AFG2A: variants seen among roughly 807,000 people sequenced by gnomAD.
AFG2A encodes ATPase family gene 2 protein homolog A.
the AFG2A span, among the ~76,000 whole-genome samples, chr4:123,220,862 G>A: frequency 3.3e-5 from 5 of 152,192 alleles, no homozygotes; most frequent in Non-Finnish European, 5.9e-5. Context: ...ATAATATTGT[G>A]TAAGATTGGC....
chr4:123,254,968 C>T, the AFG2A span, among the ~76,000 whole-genome samples: 1 of 151,908 alleles, frequency 6.6e-6, no homozygotes, highest in Non-Finnish European at 1.5e-5. Context: ...TATATGGCTA[C>T]AGATTTTTTT....
the AFG2A span, among the ~76,000 whole-genome samples, chr4:123,180,972 C>T: frequency 1.4e-5 from 2 of 142,056 alleles, no homozygotes; most frequent in African/African-American, 5.0e-5. Context: ...TCTTCCTCCT[C>T]CCCCTCTTTT....
the AFG2A span, among the ~76,000 whole-genome samples, chr4:123,186,526 T>A: frequency 6.6e-6 from 1 of 152,186 alleles, no homozygotes; most frequent in African/African-American, 2.4e-5. Flanking sequence ...AGGTAGGAAA[T>A]GCTCTTCTCA....
At chr4:123,090,655 A>G in the AFG2A span, 1 of 1,614,178 alleles carries the variant, frequency 6.2e-7, no homozygotes, top group Admixed American at 1.7e-5. Flanking sequence ...TGAACAGCTA[A>G]AGGATGTGAC....
chr4:123,005,047 G>A, the AFG2A span, among the ~76,000 whole-genome samples: 1 of 151,930 alleles, frequency 6.6e-6, no homozygotes, highest in Non-Finnish European at 1.5e-5. Context: ...TTGGATCAGT[G>A]GTATGTCCGG....
At chr4:123,007,257 T>A in the AFG2A span, among the ~76,000 whole-genome samples, 1 of 152,098 alleles carries the variant, frequency 6.6e-6, no homozygotes, top group African/African-American at 2.4e-5. Context: ...CCCTTTTTAG[T>A]ACTCTACCTA....
chr4:122,967,042 A>G, the AFG2A span, among the ~76,000 whole-genome samples: 15 of 152,296 alleles, frequency 9.8e-5, no homozygotes, highest in Middle Eastern at 3.4e-3. Context: ...TTTAACATGA[A>G]TTGTAACTGA....
the AFG2A span, among the ~76,000 whole-genome samples, chr4:123,121,857 C>T: frequency 6.6e-6 from 1 of 152,162 alleles, no homozygotes; most frequent in Non-Finnish European, 1.5e-5. Context: ...TTTGTTTCCT[C>T]TTGAAGTATA....
chr4:122,930,616 T>TAC, the AFG2A span, among the ~76,000 whole-genome samples: 7 of 152,096 alleles, frequency 4.6e-5, no homozygotes, highest in African/African-American at 9.7e-5. Flanking sequence ...CATGTATGTA[T>TAC]ACACACACAC....
At chr4:123,031,958 A>C in the AFG2A span, among the ~76,000 whole-genome samples, 136,292 of 152,212 alleles carry the variant, frequency 0.9, 61,447 homozygotes, top group East Asian at 0.97. Flanking sequence ...GTTATCTGGG[A>C]CAGTTACGTA....
chr4:123,186,700 AAAT>A, the AFG2A span, among the ~76,000 whole-genome samples: 1 of 152,188 alleles, frequency 6.6e-6, no homozygotes, highest in Non-Finnish European at 1.5e-5. Flanking sequence ...TAAAAGGAAA[AAAT>A]AAAAACTGTA....
the AFG2A span, chr4:122,936,171 T>G: frequency 6.3e-7 from 1 of 1,588,718 alleles, no homozygotes; most frequent in Non-Finnish European, 8.6e-7. Flanking sequence ...TCTTTATTTT[T>G]AAATGTTTTG....
the AFG2A span, among the ~76,000 whole-genome samples, chr4:123,243,138 C>T: frequency 1.3e-5 from 2 of 152,346 alleles, no homozygotes; most frequent in South Asian, 4.1e-4. Context: ...AACGCCTTTA[C>T]ACTGTTGGTG....
the AFG2A span, among the ~76,000 whole-genome samples, chr4:123,142,175 G>A: frequency 6.6e-6 from 1 of 152,024 alleles, no homozygotes; most frequent in South Asian, 2.1e-4. Context: ...AATTGTTTTT[G>A]GATACTAATT....
the AFG2A span, among the ~76,000 whole-genome samples, chr4:122,943,188 C>G: frequency 1.2e-4 from 19 of 152,166 alleles, no homozygotes; most frequent in South Asian, 4.1e-4. Context: ...CCTGGGTATC[C>G]TTGTTAACTT....
the AFG2A span, among the ~76,000 whole-genome samples, chr4:123,093,748 A>G: frequency 6.6e-6 from 1 of 152,132 alleles, no homozygotes; most frequent in Non-Finnish European, 1.5e-5. Flanking sequence ...ATCTCTGGAT[A>G]CCTGATCTAA....
the AFG2A span, among the ~76,000 whole-genome samples, chr4:123,176,748 C>T: frequency 4.6e-5 from 7 of 152,026 alleles, no homozygotes; most frequent in Non-Finnish European, 7.4e-5. Context: ...AGTCTTAAAA[C>T]AAGTCTACAC....
At chr4:123,064,540 TGTG>T in the AFG2A span, among the ~76,000 whole-genome samples, 1 of 152,328 alleles carries the variant, frequency 6.6e-6, no homozygotes, top group East Asian at 1.9e-4. Context: ...AAGGTTATGA[TGTG>T]GTGAGTAGAG....
chr4:122,976,160 C>A, the AFG2A span, among the ~76,000 whole-genome samples: 2 of 152,050 alleles, frequency 1.3e-5, no homozygotes, highest in Non-Finnish European at 2.9e-5. Flanking sequence ...AGCTGGTGTT[C>A]CAGGATAACT....
Sources: gnomAD v4.1 joint callset for allele counts (sites outside exome capture counted in the v4.1 genomes callset) on GRCh38, gnomAD v4.1.1 for gene constraint, MANE v1.5 for transcripts, NCBI Gene and HGNC (gene_info 2026-07-23, HGNC 2026-07-21) for gene names.